CMSS1: variants seen among roughly 807,000 people sequenced by gnomAD.
The protein encoded by CMSS1 is protein CMSS1.
A neutral mutation model predicts 43.5 loss-of-function variants in CMSS1; 33 were observed. That is an observed-to-expected ratio of 0.76 (90% CI 0.57 to 1.01). The LOEUF (loss-of-function observed/expected upper bound fraction) is 1.01. CMSS1 is among the 50% of genes least tolerant of loss of function. The pLI is 0.00. For synonymous variants in CMSS1, 115 were observed against 117.2 expected (o/e 0.98, Z 0.12); for missense variants, 313 against 326.4 (o/e 0.96, Z 0.32).
At chr3:100,007,580 T>C (rs1710023750) in intron 1 of CMSS1, among the ~76,000 whole-genome samples, 1 of 152,174 alleles carries the variant, frequency 6.6e-6, no homozygotes, top group South Asian at 2.1e-4. Context: ...CTCTCAGTTA[T>C]GTGACTGAGG....
At chr3:100,075,838 T>C (rs752645693) in intron 1 of CMSS1, among the ~76,000 whole-genome samples, 25 of 152,330 alleles carry the variant, frequency 1.6e-4, no homozygotes, top group Non-Finnish European at 2.8e-4. Context: ...ACTTTTCTTA[T>C]CTATAAACTT....
chr3:100,029,532 C>A (rs76522319), intron 1 of CMSS1, among the ~76,000 whole-genome samples: 7 of 152,066 alleles, frequency 4.6e-5, no homozygotes, highest in East Asian at 1.9e-4. Flanking sequence ...ATAGACCATA[C>A]CAGTGTGCAT....
chr3:100,071,059 G>A (rs1347482354), intron 1 of CMSS1, among the ~76,000 whole-genome samples: 1 of 124,760 alleles, frequency 8.0e-6, no homozygotes, highest in East Asian at 2.5e-4. Flanking sequence ...AAAGAAAGGG[G>A]TTTGTTTGTT....
At position 99,983,389 on chromosome 3, in the gene CMSS1, A is replaced by AATAAATATAT. The variant is rs1302972402; in HGVS notation, c.65-163581_65-163580insAATATATATA. On this transcript the variant is annotated intron_variant, in intron 1 of 9. Transcript: ENST00000421999. The stretch of plus-strand genomic sequence containing the variant: ...TCTCTACTTAAAAAATAAATAAATA[A>AATAAATATAT]ATATATATATATATATATATATATA... Among the ~76,000 whole-genome samples, 37 of 40,788 alleles carry AATAAATATAT rather than the reference A, an allele frequency of 9.1e-4. 1 individual carries two copies. Among genetic ancestry groups the AATAAATATAT allele is most frequent in the Middle Eastern group, 0.016 (1 of 64 alleles). 26.8% of individuals were successfully genotyped at this position (40,788 alleles called of 152,430 possible). A position where few individuals can be genotyped will look rare whatever the true frequency, so the allele number is the denominator to read the frequency against.
At chr3:100,019,331 G>C (rs1466164288) in intron 1 of CMSS1, among the ~76,000 whole-genome samples, 1 of 152,138 alleles carries the variant, frequency 6.6e-6, no homozygotes, top group Admixed American at 6.6e-5. Context: ...CTGCACTCCA[G>C]CCTGGGTGAA....
intron 1 of CMSS1, among the ~76,000 whole-genome samples, chr3:100,037,960 G>GC (rs1319777710): frequency 2.3e-5 from 3 of 129,374 alleles, no homozygotes; most frequent in East Asian, 4.8e-4. Context: ...TTTTTTTGGG[G>GC]GGGGAGGGAA....
intron 1 of CMSS1, among the ~76,000 whole-genome samples, chr3:99,833,691 C>T (rs555754405): frequency 6.6e-6 from 1 of 152,312 alleles, no homozygotes; most frequent in South Asian, 2.1e-4. Flanking sequence ...TTCTCAGGAG[C>T]GGTCCTGACT....
chr3:99,848,971 A>T, intron 1 of CMSS1: 1 of 1,614,020 alleles, frequency 6.2e-7, no homozygotes. Context: ...CTTTATATGA[A>T]GTGGCTGCCC....
intron 1 of CMSS1, chr3:100,023,667 G>A (rs1439663208): frequency 6.6e-6 from 1 of 152,246 alleles, no homozygotes; most frequent in African/African-American, 2.4e-5. Context: ...GGTAAGGCTT[G>A]ATTTATGGAG....
At chr3:99,961,413 T>C (rs895615521) in intron 1 of CMSS1, among the ~76,000 whole-genome samples, 1 of 152,176 alleles carries the variant, frequency 6.6e-6, no homozygotes, top group Non-Finnish European at 1.5e-5. Context: ...CTACAATGAC[T>C]CTTATGCTAT....
intron 1 of CMSS1, chr3:100,025,349 C>T (rs1385559313): frequency 6.6e-6 from 1 of 152,104 alleles, no homozygotes. Flanking sequence ...ATTCACAAAC[C>T]GTATTTGCTA....
chr3:99,827,754 C>T (rs1174360525), intron 1 of CMSS1, among the ~76,000 whole-genome samples: 9 of 152,110 alleles, frequency 5.9e-5, no homozygotes, highest in African/African-American at 2.2e-4. Flanking sequence ...TACAGGCATG[C>T]GCCACCATGC....
At chr3:100,024,407 A>G (rs951672179) in intron 1 of CMSS1, among the ~76,000 whole-genome samples, 15 of 152,190 alleles carry the variant, frequency 9.9e-5, no homozygotes, top group Non-Finnish European at 2.9e-5. Context: ...GAATCCTTCT[A>G]GATTTTTACA....
intron 1 of CMSS1, among the ~76,000 whole-genome samples, chr3:100,017,075 G>C (rs1559726680): frequency 6.6e-6 from 1 of 152,106 alleles, no homozygotes; most frequent in Non-Finnish European, 1.5e-5. Context: ...TCTTCATAAA[G>C]ACTTCTATAG....
intron 6 of CMSS1, among the ~76,000 whole-genome samples, chr3:100,170,828 G>C (rs552161196): frequency 6.6e-6 from 1 of 152,292 alleles, no homozygotes; most frequent in East Asian, 1.9e-4. Flanking sequence ...AAACTAAATG[G>C]ACTGCCTGTC....
rs4062235 is a variant in CMSS1, at chr3:100,067,166, C to CGTTTGTTTGTTT, written c.65-79786_65-79775dup. Among the ~76,000 whole-genome samples the CGTTTGTTTGTTT allele has an allele frequency of 1.4e-3, 209 of 150,978 alleles. 2 individuals are homozygous for CGTTTGTTTGTTT. The highest frequency in any genetic ancestry group is 9.6e-3 in the East Asian group (49 of 5,102). On this transcript the variant is annotated intron_variant, in intron 1 of 9. Transcript: ENST00000421999. ...GAAGCCCTGGCTATGTTTTTGATCTCGTTTGTTTGTTTGTTTGTTTGTTTG... is the reference window on the plus strand; with the variant it reads ...GAAGCCCTGGCTATGTTTTTGATCTCGTTTGTTTGTTTGTTTGTTTGTTTGTTTGTTTGTTTG...
At chr3:100,012,002 A>G (rs1055118189) in intron 1 of CMSS1, among the ~76,000 whole-genome samples, 2 of 152,212 alleles carry the variant, frequency 1.3e-5, no homozygotes, top group Admixed American at 1.3e-4. Context: ...TAATTCCCAT[A>G]TCAATTATCA....
chr3:100,053,886 A>G (rs2065417442), intron 1 of CMSS1, among the ~76,000 whole-genome samples: 1 of 152,208 alleles, frequency 6.6e-6, no homozygotes, highest in Non-Finnish European at 1.5e-5. Context: ...CATTATTCAT[A>G]TGCAGCTTCC....
At chr3:99,824,210 C>G (rs1037212889) in intron 1 of CMSS1, among the ~76,000 whole-genome samples, 3 of 152,152 alleles carry the variant, frequency 2.0e-5, no homozygotes, top group Non-Finnish European at 4.4e-5. Context: ...CATGAGCCAC[C>G]AGGCCCGGCC....
Sources: allele counts gnomAD v4.1 joint callset (sites outside exome capture counted in the v4.1 genomes callset), GRCh38; gene constraint gnomAD v4.1.1; transcripts MANE v1.5; gene names NCBI Gene and HGNC (gene_info 2026-07-23, HGNC 2026-07-21).